Variants in LOC128462377 observed in about 807,000 individuals in gnomAD.
the LOC128462377 span, among the ~76,000 whole-genome samples, chr16:89,385,467 G>A: frequency 1.3e-5 from 2 of 151,934 alleles, no homozygotes; most frequent in African/African-American, 2.4e-5. Flanking sequence ...GACTGAGCCC[G>A]TCCACAAGCC....
the LOC128462377 span, among the ~76,000 whole-genome samples, chr16:89,402,709 T>G: frequency 2.9e-5 from 3 of 103,180 alleles, no homozygotes; most frequent in Non-Finnish European, 6.0e-5. Flanking sequence ...TCTGCGAGGT[T>G]AGGAGAGGGG....
At chr16:89,363,672 G>T in the LOC128462377 span, among the ~76,000 whole-genome samples, 1 of 152,168 alleles carries the variant, frequency 6.6e-6, no homozygotes, top group Admixed American at 6.5e-5. Flanking sequence ...ACCACACGCT[G>T]CTTCCCGTGT....
the LOC128462377 span, among the ~76,000 whole-genome samples, chr16:89,333,414 G>C: frequency 6.6e-6 from 1 of 152,156 alleles, no homozygotes; most frequent in Admixed American, 6.5e-5. Flanking sequence ...ACCGGGTGCT[G>C]TGCAGTCTAT....
At chr16:89,372,430 G>A in the LOC128462377 span, among the ~76,000 whole-genome samples, 2 of 152,170 alleles carry the variant, frequency 1.3e-5, no homozygotes, top group Admixed American at 6.5e-5. Context: ...AGTGGCAGGC[G>A]GAGTGAGAGG....
At chr16:89,393,058 A>C in the LOC128462377 span, among the ~76,000 whole-genome samples, 1 of 152,048 alleles carries the variant, frequency 6.6e-6, no homozygotes, top group South Asian at 2.1e-4. Flanking sequence ...CCCTCAGTGG[A>C]GCCTCCGGCA....
the LOC128462377 span, among the ~76,000 whole-genome samples, chr16:89,403,015 A>G: frequency 3.3e-5 from 5 of 152,264 alleles, no homozygotes. Context: ...CCCCACCATC[A>G]AACACCAGGC....
the LOC128462377 span, among the ~76,000 whole-genome samples, chr16:89,404,622 GA>G: frequency 6.6e-6 from 1 of 152,230 alleles, no homozygotes; most frequent in Non-Finnish European, 1.5e-5. Context: ...TAGGTCAGGA[GA>G]AGACAGACGC....
chr16:89,347,224 C>A, the LOC128462377 span, among the ~76,000 whole-genome samples: 3 of 152,208 alleles, frequency 2.0e-5, no homozygotes, highest in Non-Finnish European at 4.4e-5. Context: ...CTTTCAATCT[C>A]TGGCAGTGTA....
chr16:89,328,385 C>T, the LOC128462377 span, among the ~76,000 whole-genome samples: 1 of 152,222 alleles, frequency 6.6e-6, no homozygotes, highest in Non-Finnish European at 1.5e-5. Context: ...ACACAAAGAC[C>T]TGTTTGCGAA....
chr16:89,364,261 C>T, the LOC128462377 span, among the ~76,000 whole-genome samples: 1 of 152,166 alleles, frequency 6.6e-6, no homozygotes, highest in African/African-American at 2.4e-5. Context: ...GGATTCAGCC[C>T]CCATCAGCCT....
At chr16:89,369,437 C>T in the LOC128462377 span, among the ~76,000 whole-genome samples, 1 of 152,220 alleles carries the variant, frequency 6.6e-6, no homozygotes, top group African/African-American at 2.4e-5. Flanking sequence ...GGGTGCGCCT[C>T]CACGGCACCA....
chr16:89,346,110 G>A, the LOC128462377 span, among the ~76,000 whole-genome samples: 1 of 151,838 alleles, frequency 6.6e-6, no homozygotes, highest in South Asian at 2.1e-4. Context: ...TTAGCCGGGC[G>A]TGGTGCCGGG....
At chr16:89,363,472 T>C in the LOC128462377 span, among the ~76,000 whole-genome samples, 1 of 104,860 alleles carries the variant, frequency 9.5e-6, no homozygotes, top group African/African-American at 3.8e-5. Context: ...AGTATAATAA[T>C]AATAAAATTA....
At chr16:89,366,318 G>A in the LOC128462377 span, among the ~76,000 whole-genome samples, 10 of 152,216 alleles carry the variant, frequency 6.6e-5, no homozygotes, top group South Asian at 1.9e-3. Context: ...ATGGTAGAAT[G>A]GTTTCTATTC....
the LOC128462377 span, among the ~76,000 whole-genome samples, chr16:89,399,059 G>A: frequency 1.6e-4 from 24 of 152,278 alleles, no homozygotes; most frequent in East Asian, 3.1e-3. Context: ...CATTTTCAGT[G>A]TTGCCTCAAC....
the LOC128462377 span, among the ~76,000 whole-genome samples, chr16:89,356,067 T>C: frequency 6.6e-6 from 1 of 152,026 alleles, no homozygotes. Context: ...GGCACTGGAG[T>C]GAGACTTGTC....
the LOC128462377 span, among the ~76,000 whole-genome samples, chr16:89,407,866 A>G: frequency 6.6e-6 from 1 of 152,004 alleles, no homozygotes; most frequent in Non-Finnish European, 1.5e-5. Context: ...AAAAAAAAAA[A>G]AAAAAAAGAA....
the LOC128462377 span, among the ~76,000 whole-genome samples, chr16:89,393,931 G>A: frequency 5.8e-3 from 885 of 152,326 alleles, 5 homozygotes; most frequent in Non-Finnish European, 8.4e-3. Context: ...GCTTGTAATA[G>A]AGACTAGTTT....
chr16:89,328,234 C>G, the LOC128462377 span, among the ~76,000 whole-genome samples: 1 of 152,194 alleles, frequency 6.6e-6, no homozygotes, highest in South Asian at 2.1e-4. Context: ...CTGGAACTCT[C>G]TCGCTTGCTG....
Sources: gnomAD v4.1 joint callset for allele counts (sites outside exome capture counted in the v4.1 genomes callset) on GRCh38, gnomAD v4.1.1 for gene constraint, MANE v1.5 for transcripts.